EFCAB8: variants seen among roughly 807,000 people sequenced by gnomAD.
The protein encoded by EFCAB8 is EF-hand calcium binding domain 8.
EFCAB8 carries 100 observed loss-of-function variants against 116.3 expected under a neutral mutation model. That is an observed-to-expected ratio of 0.86 (90% CI 0.73 to 1.02). The LOEUF (loss-of-function observed/expected upper bound fraction) is 1.02. Ranked by LOEUF, EFCAB8 falls within the 50% of genes least tolerant of loss-of-function variation. The pLI is 0.00. For synonymous variants in EFCAB8, 558 were observed against 567.9 expected (o/e 0.98, Z 0.25); for missense variants, 1,320 against 1,416.9 (o/e 0.93, Z 1.10).
At chr20:32,902,255 C>T (rs1355752715) in intron 11 of EFCAB8, among the ~76,000 whole-genome samples, 1 of 152,006 alleles carries the variant, frequency 6.6e-6, no homozygotes, top group East Asian at 1.9e-4. Flanking sequence ...GGTGAACACA[C>T]CAGTGAGGAG....
chr20:32,880,414 G>A (rs959571989), intron 5 of EFCAB8, among the ~76,000 whole-genome samples: 5 of 151,972 alleles, frequency 3.3e-5, no homozygotes, highest in African/African-American at 7.3e-5. Context: ...GATTACGAAC[G>A]CCTGCCACCA....
chr20:32,899,947 C>T (rs944126795), intron 11 of EFCAB8, among the ~76,000 whole-genome samples: 22 of 152,162 alleles, frequency 1.4e-4, no homozygotes, highest in Non-Finnish European at 1.3e-4. Flanking sequence ...TGTTCTCTCG[C>T]GGAGTCTTCC....
intron 23 of EFCAB8, among the ~76,000 whole-genome samples, chr20:32,951,418 A>C (rs1250328333): frequency 1.3e-5 from 2 of 152,264 alleles, no homozygotes; most frequent in Non-Finnish European, 2.9e-5. Context: ...AAGCCAGACG[A>C]AAACCTGTAC....
intron 22 of EFCAB8, among the ~76,000 whole-genome samples, chr20:32,939,105 C>T (rs1419207870): frequency 7.4e-6 from 1 of 134,344 alleles, no homozygotes; most frequent in Admixed American, 7.4e-5. Context: ...TCCTTCCTTC[C>T]TTTCTTTCTC....
At chr20:32,922,728 T>C (rs1321099585) in intron 20 of EFCAB8, among the ~76,000 whole-genome samples, 2 of 152,062 alleles carry the variant, frequency 1.3e-5, no homozygotes, top group African/African-American at 4.8e-5. Flanking sequence ...CCTGCAGTTA[T>C]TTGGAAGGAG....
chr20:32,878,574 G>A (rs1985126363), intron 4 of EFCAB8, 130 bp from the exon 5 acceptor site: 2 of 563,686 alleles, frequency 3.5e-6, no homozygotes, highest in Middle Eastern at 3.7e-4. Context: ...GCGGACTGCA[G>A]TGGCGCAATC....
At position 32,918,320 on chromosome 20, in the gene EFCAB8, C is replaced by T. The variant is rs567033852; in HGVS notation, c.2062-42C>T. On this transcript the variant is annotated intron_variant, in intron 18 of 26. Coordinates refer to ENST00000400522, the MANE Select transcript of EFCAB8 (RefSeq NM_001143967.2). ...TGGGGCAGTCCTGAATTTACCTCTA[C>T]GACATTGCAGTGCCTTAGGGGCTGC... 815 of 1,540,584 alleles carry T rather than the reference C, an allele frequency of 5.3e-4. 10 individuals carry two copies. The South Asian group carries it at 8.5e-3, about 16-fold the overall frequency.
At chr20:32,909,577 C>CTTGGAA (rs148591893) in intron 14 of EFCAB8, among the ~76,000 whole-genome samples, 3,019 of 151,712 alleles carry the variant, frequency 0.02, 94 homozygotes, top group African/African-American at 0.07. Context: ...GGACCTTGGA[C>CTTGGAA]TTGGAATTTG....
At chr20:32,900,022 G>C (rs1049908372) in intron 11 of EFCAB8, among the ~76,000 whole-genome samples, 1 of 152,110 alleles carries the variant, frequency 6.6e-6, no homozygotes, top group African/African-American at 2.4e-5. Flanking sequence ...AGCCTTTGGG[G>C]CTCTGACATT....
At chr20:32,932,900 T>C (rs1410312506) in intron 22 of EFCAB8, among the ~76,000 whole-genome samples, 1 of 152,228 alleles carries the variant, frequency 6.6e-6, no homozygotes, top group Non-Finnish European at 1.5e-5. Flanking sequence ...ATGTTATGGC[T>C]AGTTCGTTTT....
intron 4 of EFCAB8, among the ~76,000 whole-genome samples, chr20:32,876,842 C>A (rs1026570257): frequency 1.3e-5 from 2 of 152,064 alleles, no homozygotes; most frequent in African/African-American, 4.8e-5. Context: ...GTGGTGCACG[C>A]CTATAGTCCC....
rs1478718786 is a variant in EFCAB8, at chr20:32,912,836, G to A, written c.1828G>A (p.Gly610Arg). Residue 610 changes from glycine (G) to arginine (R), a missense_variant, in exon 17 of 27, where the codon GGA becomes AGA. Transcript: ENST00000400522. ...TATGAACAAAGTGTTCTATGTGACA[G>A]GATGGAGTAAGAGAATCACTCATTT... is the stretch of plus-strand genomic sequence containing the variant. ...IHMNKVFYVT[G>R]WSKRITHFLF... 10 of 718,916 alleles carry A rather than the reference G, an allele frequency of 1.4e-5. No homozygotes were observed. Among genetic ancestry groups the A allele is most frequent in the Admixed American group, 6.0e-5 (3 of 49,986 alleles). 44.5% of individuals were successfully genotyped at this position (718,916 alleles called of 1,614,324 possible).
rs1190546838 is a variant in EFCAB8, at chr20:32,961,207, C to G, written c.3465C>G (p.Thr1155=). ...CGACTCAGCAGCCTGACTTCCTGAC[C>G]AGCAGGGGCCCAGACCAGCAAGACC... The part of the protein sequence containing the change: ...LMPTQQPDFL[T]SRGPDQQDQH... The change falls in exon 27 of 27, where the codon ACC becomes ACG. Residue 1155 remains threonine, a synonymous_variant. Transcript: ENST00000400522. 1.3e-6 allele frequency: 2 copies of G among 1,552,102 alleles called. No individual in the cohort carries two copies. The highest frequency in any genetic ancestry group is 2.4e-5 in the South Asian group (2 of 84,066).
chr20:32,877,247 C>T lies in EFCAB8; in HGVS notation c.327+1203C>T, dbSNP rs557447881. On this transcript the variant is annotated intron_variant, in intron 4 of 26. Transcript: ENST00000400522. Reference sequence around the variant, plus strand: ...TTTTTGAGATGGAGTCTTGCTCTGTCGCCCAGGCTGGAGTGCAATGGCACG... The same window carrying T: ...TTTTTGAGATGGAGTCTTGCTCTGTTGCCCAGGCTGGAGTGCAATGGCACG... Among the ~76,000 whole-genome samples the T allele has an allele frequency of 1.2e-3, 142 of 120,822 alleles. No individual in the cohort carries two copies. In the Middle Eastern group the frequency reaches 0.029, roughly 25 times the overall value. The allele number at this position is 120,822 out of a possible 152,430, so 79.3% of individuals were successfully genotyped here.
At chr20:32,953,501 T>C (rs116590774) in intron 23 of EFCAB8, among the ~76,000 whole-genome samples, 3,698 of 152,328 alleles carry the variant, frequency 0.024, 102 homozygotes, top group African/African-American at 0.063. Context: ...TATTTTGTTT[T>C]TGTTTTTTTT....
At chr20:32,872,957 T>C (rs1398700027) in intron 3 of EFCAB8, among the ~76,000 whole-genome samples, 2 of 151,242 alleles carry the variant, frequency 1.3e-5, no homozygotes, top group African/African-American at 4.9e-5. Context: ...CCGAGTGTGA[T>C]GGTGGGCGCC....
At chr20:32,932,457 C>T (rs904963294) in intron 22 of EFCAB8, among the ~76,000 whole-genome samples, 1 of 152,134 alleles carries the variant, frequency 6.6e-6, no homozygotes, top group Admixed American at 6.6e-5. Flanking sequence ...TTTAAAAAGT[C>T]AGGTAACGTA....
At chr20:32,860,870 C>T (rs992305912) in intron 1 of EFCAB8, among the ~76,000 whole-genome samples, 1 of 152,058 alleles carries the variant, frequency 6.6e-6, no homozygotes, top group African/African-American at 2.4e-5. Context: ...TCTTGAGTAG[C>T]TGGGACTACA....
chr20:32,873,809 C>CAA (rs369133956), intron 3 of EFCAB8, among the ~76,000 whole-genome samples: 6,569 of 146,050 alleles, frequency 0.045, 186 homozygotes, highest in Non-Finnish European at 0.051. Flanking sequence ...GAGACTCTGT[C>CAA]CAAAAAAAAA....
Sources: gnomAD v4.1 joint callset for allele counts (sites outside exome capture counted in the v4.1 genomes callset) on GRCh38, gnomAD v4.1.1 for gene constraint, MANE v1.5 for transcripts, NCBI Gene and HGNC (gene_info 2026-07-23, HGNC 2026-07-21) for gene names.